Variants in SHISA9 observed in about 807,000 individuals in gnomAD.
SHISA9 encodes the protein shisa family member 9, also known as protein shisa-9.
Under a neutral mutation model 38.0 loss-of-function variants are expected in SHISA9, and 13 were observed. The ratio of observed to expected loss-of-function variants is 0.34; its 90% CI spans 0.22 to 0.54. The LOEUF (loss-of-function observed/expected upper bound fraction) is 0.54. Ranked by LOEUF, SHISA9 falls within the 20% of genes least tolerant of loss-of-function variation. The pLI is 0.91. For missense variants in SHISA9, 538 were observed against 575.8 expected (o/e 0.93, Z 0.67); for synonymous variants, 275 against 242.0 (o/e 1.14, Z -1.27).
chr16:13,115,133 C>G (rs879690852), intron 2 of SHISA9, among the ~76,000 whole-genome samples: 10 of 152,174 alleles, frequency 6.6e-5, no homozygotes, highest in Non-Finnish European at 1.3e-4. Context: ...CTTAGCCACT[C>G]AGTTTTCTTG....
At chr16:13,223,131 C>G (rs937225036) in intron 4 of SHISA9, among the ~76,000 whole-genome samples, 1 of 152,116 alleles carries the variant, frequency 6.6e-6, no homozygotes, top group Non-Finnish European at 1.5e-5. Context: ...TTTGTAGTCA[C>G]AAAAGTCAGA....
At chr16:13,035,697 A>G (rs2073051079) in intron 2 of SHISA9, among the ~76,000 whole-genome samples, 1 of 151,988 alleles carries the variant, frequency 6.6e-6, no homozygotes, top group Admixed American at 6.6e-5. Flanking sequence ...TGCCTGGCTA[A>G]TTTTCATATT....
At chr16:13,393,491 A>G in the SHISA9 span, among the ~76,000 whole-genome samples, 1 of 152,070 alleles carries the variant, frequency 6.6e-6, no homozygotes, top group African/African-American at 2.4e-5. Flanking sequence ...ATTTTTGTAG[A>G]AGTTTCCTTT....
At chr16:13,404,456 T>A in the SHISA9 span, among the ~76,000 whole-genome samples, 7 of 152,140 alleles carry the variant, frequency 4.6e-5, no homozygotes, top group Admixed American at 3.9e-4. Context: ...AGATGTTAAC[T>A]AGGCCAAGAG....
At chr16:13,343,264 C>T in the SHISA9 span, among the ~76,000 whole-genome samples, 1 of 152,290 alleles carries the variant, frequency 6.6e-6, no homozygotes, top group Non-Finnish European at 1.5e-5. Context: ...TAGTTAACTT[C>T]ACATTCTTTT....
intron 2 of SHISA9, among the ~76,000 whole-genome samples, chr16:12,926,229 C>T (rs983608328): frequency 3.5e-4 from 53 of 152,088 alleles, no homozygotes; most frequent in Non-Finnish European, 6.2e-4. Flanking sequence ...CTTTCTCATG[C>T]CTTTCTAAAG....
intron 2 of SHISA9, among the ~76,000 whole-genome samples, chr16:13,157,052 T>C (rs9940280): frequency 0.011 from 1,666 of 152,320 alleles, 42 homozygotes; most frequent in African/African-American, 0.038. Flanking sequence ...GCTTTGTTTC[T>C]GTGTTCCACT....
the SHISA9 span, among the ~76,000 whole-genome samples, chr16:13,259,722 C>T: frequency 2.9e-4 from 44 of 152,300 alleles, no homozygotes; most frequent in African/African-American, 7.7e-4. Flanking sequence ...CGGTCCAAGC[C>T]GTATGTTGGC....
intron 2 of SHISA9, among the ~76,000 whole-genome samples, chr16:13,018,322 C>G (rs373549916): frequency 7.2e-5 from 11 of 152,168 alleles, no homozygotes; most frequent in African/African-American, 2.4e-4. Context: ...TGAATCTAGT[C>G]TCACGCAGGT....
At chr16:13,047,950 C>A (rs2073206277) in intron 2 of SHISA9, among the ~76,000 whole-genome samples, 1 of 152,122 alleles carries the variant, frequency 6.6e-6, no homozygotes, top group African/African-American at 2.4e-5. Flanking sequence ...CAGTTTTATA[C>A]CATGTGGAAG....
chr16:12,902,189 CG>C lies in SHISA9; in HGVS notation c.131del (p.Gly44AlafsTer72). On this transcript the variant is annotated frameshift_variant, in exon 1 of 5. Coordinates refer to ENST00000558583, the MANE Select transcript of SHISA9 (RefSeq NM_001145204.3). LOFTEE classifies it high-confidence loss of function. Reference protein sequence around the residue: ...LAQLGGVLLLAGGNRSGAASG... With the variant: ...LAQLGGVLLLXGGNRSGAASG... ...CAACTGGGCGGCGTGTTGCTGCTGG[CG>C]GGGGGCAACCGCTCCGGGGCCGCCT... is the stretch of plus-strand genomic sequence containing the variant. 3 of 1,529,256 alleles carry C rather than the reference CG, an allele frequency of 2.0e-6. No homozygotes were observed. The highest frequency in any genetic ancestry group is 2.0e-5 in the Admixed American group (1 of 50,294). The allele number at this position is 1,529,256 out of a possible 1,614,324, so 94.7% of individuals were successfully genotyped here.
At chr16:13,455,194 C>T in the SHISA9 span, among the ~76,000 whole-genome samples, 1 of 152,064 alleles carries the variant, frequency 6.6e-6, no homozygotes, top group African/African-American at 2.4e-5. Context: ...ATGAGATTTC[C>T]CTTCTATGCC....
At chr16:13,093,730 C>G (rs2073798441) in intron 2 of SHISA9, among the ~76,000 whole-genome samples, 2 of 152,122 alleles carry the variant, frequency 1.3e-5, no homozygotes, top group African/African-American at 4.8e-5. Flanking sequence ...CTTCGTTGAC[C>G]TCCCCAATCT....
At chr16:13,388,170 G>A in the SHISA9 span, among the ~76,000 whole-genome samples, 1 of 152,102 alleles carries the variant, frequency 6.6e-6, no homozygotes, top group East Asian at 1.9e-4. Context: ...GGATTGAGAT[G>A]TGGAACAGAA....
the SHISA9 span, among the ~76,000 whole-genome samples, chr16:13,442,000 G>T: frequency 3.3e-5 from 5 of 152,202 alleles, no homozygotes; most frequent in Non-Finnish European, 5.9e-5. Flanking sequence ...TGCCTCCAGG[G>T]CCTGACAGAT....
chr16:13,476,742 T>TG, the SHISA9 span, among the ~76,000 whole-genome samples: 5 of 105,086 alleles, frequency 4.8e-5, no homozygotes, highest in South Asian at 3.2e-4. Flanking sequence ...TTTTGTGTTT[T>TG]TTTTTTTTTT....
At chr16:13,276,250 C>T in the SHISA9 span, among the ~76,000 whole-genome samples, 3 of 135,558 alleles carry the variant, frequency 2.2e-5, no homozygotes, top group African/African-American at 1.2e-4. Context: ...TAATTTATTC[C>T]TTTTTATTGC....
chr16:13,099,523 C>G (rs1406715607), intron 2 of SHISA9, among the ~76,000 whole-genome samples: 1 of 151,962 alleles, frequency 6.6e-6, no homozygotes, highest in East Asian at 1.9e-4. Context: ...CCATTTCAGC[C>G]TTGACTTGAT....
At chr16:13,059,674 A>T (rs1005165395) in intron 2 of SHISA9, among the ~76,000 whole-genome samples, 1 of 152,168 alleles carries the variant, frequency 6.6e-6, no homozygotes, top group Non-Finnish European at 1.5e-5. Context: ...CTTGAACTTA[A>T]AATAAAAAGA....
Sources: gnomAD v4.1 joint callset for allele counts (sites outside exome capture counted in the v4.1 genomes callset) on GRCh38, gnomAD v4.1.1 for gene constraint, MANE v1.5 for transcripts, NCBI Gene and HGNC (gene_info 2026-07-23, HGNC 2026-07-21) for gene names.